PRRC2B: variants seen among roughly 807,000 people sequenced by gnomAD.
The protein encoded by PRRC2B is protein PRRC2B.
Under a neutral mutation model 242.3 loss-of-function variants are expected in PRRC2B, and 68 were observed. The observed-to-expected ratio is 0.28, with a 90% confidence interval of 0.23 to 0.34. PRRC2B has a LOEUF of 0.34. Among genes scored for constraint, PRRC2B ranks in the 10% least tolerant of loss-of-function variants. The probability of loss-of-function intolerance (pLI) is 1.00; values close to 1 mark genes in which losing one functional copy is unlikely to be tolerated. For synonymous variants in PRRC2B, 1,228 were observed against 1,173.6 expected, an observed-to-expected ratio of 1.05 and a Z score of -0.95; for missense variants, 2,835 against 2,954.8, an observed-to-expected ratio of 0.96 and a Z score of 0.94.
intron 3 of PRRC2B, among the ~76,000 whole-genome samples, chr9:131,434,065 C>G (rs931747420): frequency 6.6e-6 from 1 of 152,040 alleles, no homozygotes; most frequent in Non-Finnish European, 1.5e-5. Flanking sequence ...CCTCAGTGTC[C>G]CCCCCTTGAA....
chr9:131,486,299 T>C, intron 26 of PRRC2B, 117 bp downstream of exon 26: 1 of 859,036 alleles, frequency 1.2e-6, no homozygotes, highest in Admixed American at 2.5e-5. Flanking sequence ...CCCCCTCACA[T>C]GTGGTGACCA....
At position 131,447,202 on chromosome 9, in the gene PRRC2B, G is replaced by C; in HGVS notation, c.973G>C (p.Asp325His). 1 of 1,613,994 alleles carries C rather than the reference G, an allele frequency of 6.2e-7. No homozygotes were observed. The highest frequency in any genetic ancestry group is 8.5e-7 in the Non-Finnish European group (1 of 1,179,894). ...TAGACAGTTCCAGATGAATGACCAA[G>C]ACGGGTGAGTCCATTGCATTACAGT... ...PFRQFQMNDQDGKENRLGLSR... is the reference protein window; with the variant it reads ...PFRQFQMNDQHGKENRLGLSR... The change falls in exon 8 of 32, where the codon GAC becomes CAC. Residue 325 changes from aspartate (D) to histidine (H), a missense_variant. By Grantham distance (81) the Asp-to-His change is moderately conservative (BLOSUM62 -1). Transcript: ENST00000683519.
rs556859837 is a variant in PRRC2B at position 131,442,510 on chromosome 9, C to A, written c.470-1675C>A. 5.3e-5 allele frequency among the ~76,000 whole-genome samples: 8 copies of A among 152,280 alleles called. No individual in the cohort carries two copies. The South Asian group carries it at 1.7e-3, about 32-fold the overall frequency. On this transcript the variant is annotated intron_variant, in intron 5 of 31. Transcript: ENST00000683519. ...TGGTCATTGGTGAATGGTGTCCAGT[C>A]TTACCGTCAGGTTTATTTGACCCTG...
At chr9:131,389,567 C>T (rs1286068247), upstream of PRRC2B, among the ~76,000 whole-genome samples, 1 of 150,572 alleles carries the variant, frequency 6.6e-6, no homozygotes, top group Non-Finnish European at 1.5e-5. Context: ...GCTTTGTCCC[C>T]ATAGTGGTGA....
intron 1 of PRRC2B, among the ~76,000 whole-genome samples, chr9:131,426,508 T>C (rs192259998): frequency 1.3e-5 from 2 of 152,206 alleles, no homozygotes; most frequent in Admixed American, 6.5e-5. Context: ...ATTATGACTT[T>C]TGGGGAGTGG....
At chr9:131,427,111 T>C (rs1038476610) in intron 1 of PRRC2B, among the ~76,000 whole-genome samples, 6 of 152,222 alleles carry the variant, frequency 3.9e-5, no homozygotes, top group African/African-American at 1.4e-4. Context: ...GCGTTCTTCA[T>C]GAGCATTTCT....
intron 3 of PRRC2B, among the ~76,000 whole-genome samples, chr9:131,435,613 TAAAA>T (rs66831387): frequency 6.1e-4 from 89 of 147,066 alleles, no homozygotes; most frequent in African/African-American, 2.3e-3. Context: ...AGACTCCATC[TAAAA>T]AAAAAAAAAA....
At chr9:131,392,917 C>CAAA (rs11317627), upstream of PRRC2B, among the ~76,000 whole-genome samples, 1 of 91,878 alleles carries the variant, frequency 1.1e-5, no homozygotes, top group Non-Finnish European at 2.3e-5. Context: ...GAGACTGTCT[C>CAAA]AAAAAAAAAA....
intron 1 of PRRC2B, among the ~76,000 whole-genome samples, chr9:131,384,677 C>T (rs1836805863): frequency 6.6e-6 from 1 of 152,056 alleles, no homozygotes; most frequent in Non-Finnish European, 1.5e-5. Context: ...CTCAGCCTCC[C>T]AAAGTGCTGG....
chr9:131,374,659 T>C (rs1836660944), intron 1 of PRRC2B, among the ~76,000 whole-genome samples: 1 of 152,022 alleles, frequency 6.6e-6, no homozygotes, highest in Admixed American at 6.6e-5. Context: ...CTGAGTAGTT[T>C]GGGATTATAG....
upstream of PRRC2B, among the ~76,000 whole-genome samples, chr9:131,393,065 A>G (rs1446768371): frequency 2.0e-5 from 3 of 152,228 alleles, no homozygotes; most frequent in Admixed American, 2.0e-4. Flanking sequence ...CACCAGCCTC[A>G]GTTCTGGAGT....
intron 10 of PRRC2B, among the ~76,000 whole-genome samples, chr9:131,458,625 C>G (rs1943152930): frequency 6.6e-6 from 1 of 152,036 alleles, no homozygotes; most frequent in Non-Finnish European, 1.5e-5. Flanking sequence ...CCACCTCAGC[C>G]TCTAGTAGCT....
At chr9:131,479,708 GGTC>G (rs931967376) in intron 19 of PRRC2B, among the ~76,000 whole-genome samples, 1 of 152,126 alleles carries the variant, frequency 6.6e-6, no homozygotes, top group Non-Finnish European at 1.5e-5. Context: ...CTTCTTTGTT[GGTC>G]GTCGTTTTCT....
At chr9:131,387,159 G>A (rs1199128923) in intron 1 of PRRC2B, among the ~76,000 whole-genome samples, 2 of 150,128 alleles carry the variant, frequency 1.3e-5, no homozygotes, top group Non-Finnish European at 3.0e-5. Context: ...GCACCACCAC[G>A]CCTGGTTAAT....
intron 1 of PRRC2B, among the ~76,000 whole-genome samples, chr9:131,403,058 T>C (rs1837267554): frequency 6.6e-6 from 1 of 152,154 alleles, no homozygotes; most frequent in African/African-American, 2.4e-5. Context: ...TTTCCATGGG[T>C]CCTTTGTGTC....
chr9:131,433,040 C>T (rs1266360391), intron 3 of PRRC2B, among the ~76,000 whole-genome samples: 1 of 152,226 alleles, frequency 6.6e-6, no homozygotes, highest in Non-Finnish European at 1.5e-5. Context: ...CATCTGTGGA[C>T]AACCTTGTCC....
At chr9:131,491,315 A>T in intron 28 of PRRC2B, 110 bp from the exon 29 acceptor site, 1 of 1,093,246 alleles carries the variant, frequency 9.1e-7, no homozygotes, top group Non-Finnish European at 1.3e-6. Context: ...GCTTTGCTTT[A>T]GTTCTTCTGA....
At position 131,475,679 on chromosome 9, in the gene PRRC2B, T is replaced by C; in HGVS notation, c.3550T>C (p.Cys1184Arg). The C allele has an allele frequency of 1.2e-6, 2 of 1,612,190 alleles. No homozygotes were observed. Among genetic ancestry groups the C allele is most frequent in the South Asian group, 1.1e-5 (1 of 90,950 alleles). The change falls in exon 16 of 32, where the codon TGC becomes CGC. Residue 1184 changes from cysteine to arginine, a missense_variant. By Grantham distance (180) the Cys-to-Arg change is radical (BLOSUM62 -3). Around this residue, in one of 7 missense-constraint regions of PRRC2B, gnomAD observed 1,536 missense variants for 1,483.1 expected, o/e 1.04. Coordinates refer to ENST00000683519, the MANE Select transcript of PRRC2B (RefSeq NM_013318.4). ...CRDSWRSNKG[C>R]SEDHSGLDAK... ...AGATTCTTGGCGGTCCAACAAGGGG[T>C]GCTCTGAGGACCACAGCGGTCTAGA...
intron 1 of PRRC2B, among the ~76,000 whole-genome samples, chr9:131,385,498 G>T (rs1174441959): frequency 6.6e-6 from 1 of 150,394 alleles, no homozygotes; most frequent in African/African-American, 2.4e-5. Flanking sequence ...AAACTTCCCA[G>T]ACTGGCACTG....
Sources: allele counts gnomAD v4.1 joint callset (sites outside exome capture counted in the v4.1 genomes callset), GRCh38; gene constraint gnomAD v4.1.1; regional missense constraint gnomAD v4.1.1; transcripts MANE v1.5; gene names NCBI Gene and HGNC (gene_info 2026-07-23, HGNC 2026-07-21).